HMGCS2: variants seen among roughly 807,000 people sequenced by gnomAD.
HMGCS2 encodes hydroxymethylglutaryl-CoA synthase, mitochondrial.
In HMGCS2, 50 loss-of-function variants were observed where a neutral mutation model predicts 57.4. The observed-to-expected ratio is 0.87, with a 90% CI of 0.69 to 1.10. The LOEUF is 1.10. HMGCS2 is among the 50% of genes least tolerant of loss of function. The pLI, the probability that HMGCS2 is intolerant of heterozygous loss-of-function variation, is 0.00. For synonymous variants in HMGCS2, 254 were observed against 245.1 expected (o/e 1.04, Z -0.34); for missense variants, 627 against 636.5 (o/e 0.99, Z 0.16).
rs587613456 is a variant in HMGCS2, at chr1:119,751,768, A to G, written c.1420+781T>C. Among the ~76,000 whole-genome samples, 6 of 152,294 alleles carry G rather than the reference A, an allele frequency of 3.9e-5. No individual in the cohort carries two copies. The East Asian group carries it at 1.2e-3, about 29-fold the overall frequency. On this transcript the variant is annotated intron_variant, in intron 8 of 9. Coordinates refer to ENST00000369406, the MANE Select transcript of HMGCS2 (RefSeq NM_005518.4). ...ATATCCACTGGTCCAGAAGAGATCAATGACCACTAGGTCTAGGTTTTCTGG... is the reference window on the plus strand; with the variant it reads ...ATATCCACTGGTCCAGAAGAGATCAGTGACCACTAGGTCTAGGTTTTCTGG...
At chr1:119,767,997 T>C (rs1013575823) in intron 1 of HMGCS2, among the ~76,000 whole-genome samples, 1 of 152,176 alleles carries the variant, frequency 6.6e-6, no homozygotes, top group Admixed American at 6.5e-5. Flanking sequence ...TAGGTCAAAA[T>C]CATTTTTCTA....
chr1:119,767,907 A>G (rs587620771), intron 1 of HMGCS2, among the ~76,000 whole-genome samples: 1 of 152,380 alleles, frequency 6.6e-6, no homozygotes, highest in African/African-American at 2.4e-5. Context: ...AATGAAAAAT[A>G]TAAGAAAGCT....
chr1:119,768,379 T>A (rs1194970009), intron 1 of HMGCS2, among the ~76,000 whole-genome samples: 1 of 152,222 alleles, frequency 6.6e-6, no homozygotes, highest in Admixed American at 6.5e-5. Flanking sequence ...ACACTGCAGT[T>A]GGCACAAGGT....
At chr1:119,758,517 C>T (rs183606780) in intron 4 of HMGCS2, among the ~76,000 whole-genome samples, 4 of 152,262 alleles carry the variant, frequency 2.6e-5, no homozygotes, top group East Asian at 3.9e-4. Flanking sequence ...GGATTACAGG[C>T]GTGAGCCACC....
intron 9 of HMGCS2, among the ~76,000 whole-genome samples, chr1:119,749,240 T>C (rs1485000590): frequency 6.6e-6 from 1 of 152,120 alleles, no homozygotes; most frequent in Non-Finnish European, 1.5e-5. Flanking sequence ...AGCTTTTTTT[T>C]TCAGGTATAA....
chr1:119,757,413 A>G lies in HMGCS2; in HGVS notation c.876T>C (p.Leu292=). ...GAAAGATCATGTACTGTAAATCGTC[A>G]AGGGTGAAGGGTCGATCGCTGCCAG... is the stretch of plus-strand genomic sequence containing the variant. ...KQAGSDRPFT[L]DDLQYMIFHT... Residue 292 remains leucine, a synonymous_variant, in exon 5 of 10, where the codon CTT becomes CTC. Coordinates refer to ENST00000369406, the MANE Select transcript of HMGCS2 (RefSeq NM_005518.4). 6.2e-7 allele frequency: 1 copy of G among 1,614,110 alleles called. No individual in the cohort carries two copies. The highest frequency in any genetic ancestry group is 8.5e-7 in the Non-Finnish European group (1 of 1,179,972).
intron 2 of HMGCS2, among the ~76,000 whole-genome samples, chr1:119,762,523 C>G (rs1653082619): frequency 6.6e-6 from 1 of 152,120 alleles, no homozygotes; most frequent in African/African-American, 2.4e-5. Context: ...TTCCTCATCC[C>G]CTCCACTTTT....
intron 1 of HMGCS2, among the ~76,000 whole-genome samples, chr1:119,765,097 T>TC (rs1482538883): frequency 6.6e-6 from 1 of 152,150 alleles, no homozygotes; most frequent in Non-Finnish European, 1.5e-5. Flanking sequence ...TCTTTTTTTT[T>TC]CTCTTTTTTG....
At chr1:119,749,340 T>C (rs1652564814) in intron 9 of HMGCS2, among the ~76,000 whole-genome samples, 1 of 151,744 alleles carries the variant, frequency 6.6e-6, no homozygotes, top group Non-Finnish European at 1.5e-5. Flanking sequence ...CAAATTTCTC[T>C]TTCTCTCTCC....
At chr1:119,755,697 T>C (rs1482264552) in intron 5 of HMGCS2, 100 bp from the exon 6 acceptor site, 8 of 1,040,096 alleles carry the variant, frequency 7.7e-6, no homozygotes, top group Non-Finnish European at 1.2e-5. Flanking sequence ...TTGGGGCGCA[T>C]GTTTTTCCTA....
Position 119,757,376 on chromosome 1 carries a change from A to G in HMGCS2, c.913T>C (p.Cys305Arg), listed in dbSNP as rs1571035721. 1 of 1,614,190 alleles carries G rather than the reference A, an allele frequency of 6.2e-7. No individual in the cohort carries two copies. Among genetic ancestry groups the G allele is most frequent in the East Asian group, 2.2e-5 (1 of 44,892 alleles). The change falls in exon 5 of 10, where the codon TGC (cysteine) becomes CGC (arginine). Residue 305 changes from cysteine (C) to arginine (R), a missense_variant. Coordinates refer to ENST00000369406, the MANE Select transcript of HMGCS2 (RefSeq NM_005518.4). ...LQYMIFHTPF[C>R]KMVQKSLARL... ...GCCAGAGACTTCTGGACCATCTTGC[A>G]AAAGGGTGTATGAAAGATCATGTAC...
rs146296049 is a variant in HMGCS2 at position 119,757,423 on chromosome 1, G to A, written c.866C>T (p.Pro289Leu). ...GTACTGTAAATCGTCAAGGGTGAAG[G>A]GTCGATCGCTGCCAGCTGGAAGAGG... ...NQWKQAGSDR[P>L]FTLDDLQYMI... Residue 289 changes from proline (P) to leucine (L), a missense_variant, in exon 5 of 10, where the codon CCC becomes CTC. By Grantham distance (98) the Pro-to-Leu change is moderately conservative. Coordinates refer to ENST00000369406, the MANE Select transcript of HMGCS2 (RefSeq NM_005518.4). The A allele has an allele frequency of 1.9e-6, 3 of 1,613,884 alleles. No homozygotes were observed. Among genetic ancestry groups the A allele is most frequent in the Non-Finnish European group, 2.5e-6 (3 of 1,179,884 alleles).
At chr1:119,749,481 C>T (rs760195170) in intron 9 of HMGCS2, among the ~76,000 whole-genome samples, 1 of 151,186 alleles carries the variant, frequency 6.6e-6, no homozygotes, top group East Asian at 2.0e-4. Flanking sequence ...CTGACCTGCC[C>T]TTAAGAACCG....
chr1:119,757,473 T>A, intron 4 of HMGCS2, 35 bp from the exon 5 acceptor site: 1 of 1,614,000 alleles, frequency 6.2e-7, no homozygotes, highest in Non-Finnish European at 8.5e-7. Flanking sequence ...GGATGGGGCA[T>A]GAGGGGCGAG....
At chr1:119,762,007 A>G (rs368414362) in intron 2 of HMGCS2, among the ~76,000 whole-genome samples, 7 of 152,348 alleles carry the variant, frequency 4.6e-5, no homozygotes, top group East Asian at 3.9e-4. Context: ...AAATCAACCT[A>G]TCCTGATATT....
chr1:119,768,491 C>A (rs1042274873), intron 1 of HMGCS2, among the ~76,000 whole-genome samples: 8 of 152,142 alleles, frequency 5.3e-5, no homozygotes, highest in African/African-American at 1.7e-4. Context: ...ATGCAGCTGG[C>A]AGAGTAAAAG....
chr1:119,760,126 T>C, intron 2 of HMGCS2, 137 bp from the exon 3 acceptor site: 2 of 813,778 alleles, frequency 2.5e-6, no homozygotes, highest in Non-Finnish European at 4.0e-6. Flanking sequence ...CCTGTGGAGC[T>C]TATGTTCTAG....
chr1:119,758,110 C>G (rs1194884051), intron 4 of HMGCS2, among the ~76,000 whole-genome samples: 1 of 152,386 alleles, frequency 6.6e-6, no homozygotes, highest in Non-Finnish European at 1.5e-5. Context: ...TATGACACCC[C>G]CAAGGCATCC....
At chr1:119,755,715 T>C in intron 5 of HMGCS2, 118 bp from the exon 6 acceptor site, 1 of 912,582 alleles carries the variant, frequency 1.1e-6, no homozygotes, top group South Asian at 1.3e-5. Context: ...CTACAATATT[T>C]GGAAATACAG....
Sources: allele counts gnomAD v4.1 joint callset (sites outside exome capture counted in the v4.1 genomes callset), GRCh38; gene constraint gnomAD v4.1.1; transcripts MANE v1.5; gene names NCBI Gene and HGNC (gene_info 2026-07-23, HGNC 2026-07-21).